The following ZC3H12C variants were observed in gnomAD, a reference collection of about 807,000 sequenced individuals.
ZC3H12C encodes the protein probable ribonuclease ZC3H12C.
ZC3H12C carries 20 observed loss-of-function variants against 76.3 expected under a neutral mutation model. The observed-to-expected ratio is 0.26, with a 90% CI of 0.18 to 0.38. The LOEUF (loss-of-function observed/expected upper bound fraction) is 0.38, where lower values mean the gene tolerates loss of function less well. Ranked by LOEUF, ZC3H12C falls within the 10% of genes least tolerant of loss-of-function variation. The probability of loss-of-function intolerance (pLI) is 1.00; values close to 1 mark genes in which losing one functional copy is unlikely to be tolerated. For missense variants in ZC3H12C, 874 were observed against 1,086.5 expected (o/e 0.80, Z 2.75); for synonymous variants, 352 against 399.6 (o/e 0.88, Z 1.42).
rs1565273510 is a variant in ZC3H12C, at chr11:110,169,542, T to G, written c.*3805T>G. On this transcript the variant is annotated 3_prime_UTR_variant, in exon 6 of 6. Transcript: ENST00000278590. ...CTGTTGGTGTGTGGTGCACCCATTT[T>G]ATTGTCATCTAACTCCTGGAGAATT... 6.6e-6 allele frequency: 1 copy of G among 152,218 alleles called. No individual in the cohort carries two copies. Among genetic ancestry groups the G allele is most frequent in the Non-Finnish European group, 1.5e-5 (1 of 68,018 alleles). 9.4% of individuals were successfully genotyped at this position (152,218 alleles called of 1,614,324 possible).
Position 110,123,173 on chromosome 11 carries a change from CCT to C in ZC3H12C, c.22-13487_22-13486del, listed in dbSNP as rs542897643. ...GTAGATAAGGGGGACTACCGAATGTCCTCTTTGACTCATGAGTTTTCTCTTCC... is the reference window on the plus strand; with the variant it reads ...GTAGATAAGGGGGACTACCGAATGTCCTTTGACTCATGAGTTTTCTCTTCC... On this transcript the variant is annotated intron_variant, in intron 1 of 5. Transcript: ENST00000278590. Among the ~76,000 whole-genome samples, 31 of 152,278 alleles carry C rather than the reference CCT, an allele frequency of 2.0e-4. No homozygotes were observed. In the South Asian group the frequency reaches 3.7e-3, roughly 18 times the overall value.
chr11:110,115,582 C>T (rs1861510689), intron 1 of ZC3H12C, among the ~76,000 whole-genome samples: 2 of 151,958 alleles, frequency 1.3e-5, no homozygotes, highest in Admixed American at 6.6e-5. Context: ...GGATTACAGG[C>T]GTGAGCCTCC....
At chr11:110,134,834 G>T (rs77302855) in intron 1 of ZC3H12C, among the ~76,000 whole-genome samples, 2,551 of 151,628 alleles carry the variant, frequency 0.017, 66 homozygotes, top group African/African-American at 0.057. Flanking sequence ...TCCTGTAGAA[G>T]TGTGTAGGAG....
intron 1 of ZC3H12C, among the ~76,000 whole-genome samples, chr11:110,125,789 C>G (rs1039109091): frequency 6.6e-6 from 1 of 152,218 alleles, no homozygotes; most frequent in Non-Finnish European, 1.5e-5. Flanking sequence ...GGCCACAGTA[C>G]TAGGGCAAAC....
intron 1 of ZC3H12C, among the ~76,000 whole-genome samples, chr11:110,130,135 G>A (rs912744444): frequency 1.3e-5 from 2 of 152,132 alleles, no homozygotes; most frequent in Admixed American, 6.5e-5. Context: ...CTTTAATTAC[G>A]TGGTTAACTA....
intron 1 of ZC3H12C, among the ~76,000 whole-genome samples, chr11:110,120,278 A>G (rs1861630005): frequency 6.6e-6 from 1 of 152,088 alleles, no homozygotes; most frequent in South Asian, 2.1e-4. Context: ...GCCTTATTTA[A>G]TATATATTGT....
At chr11:110,124,360 T>A (rs1861701981) in intron 1 of ZC3H12C, 1 of 150,960 alleles carries the variant, frequency 6.6e-6, no homozygotes, top group African/African-American at 2.4e-5. Flanking sequence ...ATTTTTTTTT[T>A]ATTGGTCGAT....
At chr11:110,136,056 T>C (rs1668481412) in intron 1 of ZC3H12C, 1 of 152,248 alleles carries the variant, frequency 6.6e-6, no homozygotes, top group African/African-American at 2.4e-5. Context: ...AATTCCCTTC[T>C]GTCTATCTTA....
chr11:110,103,207 G>A (rs963442368), intron 1 of ZC3H12C, among the ~76,000 whole-genome samples: 5 of 152,164 alleles, frequency 3.3e-5, no homozygotes, highest in Non-Finnish European at 7.3e-5. Context: ...AATGCGTTGT[G>A]TGATTTCTTG....
intron 1 of ZC3H12C, among the ~76,000 whole-genome samples, chr11:110,112,181 A>G (rs1449558141): frequency 1.3e-5 from 2 of 152,172 alleles, no homozygotes; most frequent in East Asian, 1.9e-4. Context: ...GAACACCTTC[A>G]CTGATCTTCC....
chr11:110,153,239 G>A (rs1862308359), intron 3 of ZC3H12C, among the ~76,000 whole-genome samples, 181 bp downstream of exon 3: 1 of 152,188 alleles, frequency 6.6e-6, no homozygotes, highest in African/African-American at 2.4e-5. Flanking sequence ...CCAGGCTGGG[G>A]TGCAGTGGTA....
chr11:110,150,431 CT>C (rs1466008096), intron 2 of ZC3H12C, among the ~76,000 whole-genome samples: 16 of 151,952 alleles, frequency 1.1e-4, no homozygotes, highest in African/African-American at 3.6e-4. Context: ...CAAATTGGAT[CT>C]TTTAAATTAA....
intron 1 of ZC3H12C, chr11:110,131,402 G>A (rs1014377043): frequency 3.6e-5 from 12 of 332,456 alleles, no homozygotes; most frequent in Non-Finnish European, 6.5e-5. Flanking sequence ...TAAATGTTCC[G>A]ATATTTTTGA....
chr11:110,159,064 T>G (rs946912402), intron 3 of ZC3H12C, among the ~76,000 whole-genome samples, 192 bp from the exon 4 acceptor site: 2 of 152,252 alleles, frequency 1.3e-5, no homozygotes, highest in African/African-American at 2.4e-5. Context: ...AAGTCTTTAT[T>G]ATTAAAATTC....
intron 3 of ZC3H12C, among the ~76,000 whole-genome samples, chr11:110,158,141 A>G (rs561379065): frequency 6.6e-6 from 1 of 152,346 alleles, no homozygotes; most frequent in East Asian, 1.9e-4. Context: ...AATTTTTATC[A>G]TTGATTAACA....
At chr11:110,117,523 C>T (rs1352165402) in intron 1 of ZC3H12C, among the ~76,000 whole-genome samples, 1 of 151,176 alleles carries the variant, frequency 6.6e-6, no homozygotes, top group African/African-American at 2.4e-5. Context: ...ATGCCTTGCA[C>T]TGTTCTGAGA....
chr11:110,117,651 T>TATACAC (rs551586291), intron 1 of ZC3H12C, among the ~76,000 whole-genome samples: 1 of 143,982 alleles, frequency 6.9e-6, no homozygotes, highest in African/African-American at 2.6e-5. Context: ...TATATATATA[T>TATACAC]ACACACACAC....
At position 110,164,736 on chromosome 11, in the gene ZC3H12C, C is replaced by G. The variant is rs765329618; in HGVS notation, c.1651C>G (p.Gln551Glu). ...GLPSGVHFPPQDQRPQGQYPS... is the reference protein window; with the variant it reads ...GLPSGVHFPPEDQRPQGQYPS... The stretch of plus-strand genomic sequence containing the variant: ...TCCATCTGGAGTTCATTTCCCACCT[C>G]AGGATCAAAGACCACAGGGACAATA... The change falls in exon 6 of 6, where the codon CAG (glutamine) becomes GAG (glutamate). Residue 551 changes from glutamine (Q) to glutamate (E), a missense_variant. This residue lies in a region of ZC3H12C where 395 missense variants were observed against 434.4 expected (regional missense o/e 0.91). Coordinates refer to ENST00000278590, the MANE Select transcript of ZC3H12C (RefSeq NM_033390.2). This position sits in a 1 kb window ranked among gnomAD's most constrained non-coding sequence, Gnocchi z 5.7. 6.2e-7 allele frequency: 1 copy of G among 1,614,040 alleles called. No individual in the cohort carries two copies. The highest frequency in any genetic ancestry group is 8.5e-7 in the Non-Finnish European group (1 of 1,179,894).
chr11:110,110,122 G>A lies in ZC3H12C; in HGVS notation c.21+16690G>A, dbSNP rs149771563. 3.6e-3 allele frequency among the ~76,000 whole-genome samples: 549 copies of A among 152,228 alleles called. 2 individuals are homozygous for A. The highest frequency in any genetic ancestry group is 0.014 in the Middle Eastern group (4 of 294). ...GTTGTTTAAACACCTAAACCCTGGAGTTTAATGCCATCTCATTATTTAAGG... is the reference window on the plus strand; with the variant it reads ...GTTGTTTAAACACCTAAACCCTGGAATTTAATGCCATCTCATTATTTAAGG... On this transcript the variant is annotated intron_variant, in intron 1 of 5. Transcript: ENST00000278590.
Sources: allele counts gnomAD v4.1 joint callset (sites outside exome capture counted in the v4.1 genomes callset), GRCh38; gene constraint gnomAD v4.1.1; regional missense constraint gnomAD v4.1.1; non-coding constraint Gnocchi (gnomAD v3.1); transcripts MANE v1.5; gene names NCBI Gene and HGNC (gene_info 2026-07-23, HGNC 2026-07-21).